The following LAMA5 variants were observed in gnomAD, a reference collection of about 807,000 sequenced individuals.
The protein encoded by LAMA5 is laminin subunit alpha-5.
LAMA5 carries 260 observed loss-of-function variants against 433.4 expected under a neutral mutation model. The observed-to-expected ratio is 0.60, with a 90% confidence interval of 0.54 to 0.66. The LOEUF (loss-of-function observed/expected upper bound fraction) is 0.66. Ranked by LOEUF, LAMA5 falls within the 30% of genes least tolerant of loss-of-function variation. LAMA5 has a pLI of 0.00. For missense variants in LAMA5, 5,378 were observed against 5,258.5 expected, an observed-to-expected ratio of 1.02 and a Z score of -0.70; for synonymous variants, 2,620 against 2,226.6, an observed-to-expected ratio of 1.18 and a Z score of -4.97.
rs1979611391 is a variant in LAMA5, at chr20:62,327,958, G to A, written c.4705C>T (p.His1569Tyr). The A allele has an allele frequency of 3.1e-6, 5 of 1,612,388 alleles. No individual in the cohort carries two copies. The South Asian group carries it at 3.3e-5, about 11-fold the overall frequency. ...CAGGGGCGGCAGCGGGGGTAGCCATGGAAGCCCGGAGAGCAGGTATCACAG... is the reference window on the plus strand; with the variant it reads ...CAGGGGCGGCAGCGGGGGTAGCCATAGAAGCCCGGAGAGCAGGTATCACAG... ...RRCDTCSPGF[H>Y]GYPRCRPCDC... is the part of the protein sequence containing the mutation. Residue 1569 changes from histidine (H) to tyrosine (Y), a missense_variant, in exon 36 of 80, where the codon CAT becomes TAT. Physicochemically the swap from His to Tyr is moderately conservative, Grantham distance 83 (BLOSUM62 2). Coordinates refer to ENST00000252999, the MANE Select transcript of LAMA5 (RefSeq NM_005560.6).
intron 2 of LAMA5, among the ~76,000 whole-genome samples, chr20:62,360,308 AG>A (rs1238774801): frequency 9.4e-5 from 1 of 10,618 alleles, no homozygotes; most frequent in African/African-American, 4.7e-4. Context: ...GGTGCTGCAT[AG>A]GTAGGGGGGT....
intron 20 of LAMA5, 99 bp downstream of exon 20, chr20:62,334,922 T>G (rs1212773347): frequency 2.5e-5 from 29 of 1,176,966 alleles, no homozygotes; most frequent in Non-Finnish European, 3.5e-5. Context: ...CCGGGCTTCA[T>G]GCTGCCCAGG....
Position 62,326,895 on chromosome 20 carries a change from G to A in LAMA5, c.5184C>T (p.Pro1728=), listed in dbSNP as rs936680253. ...GCACCACATCCGGCCTGCTCTCCATGGGGACAAAGACATCTCCCCGCTGGG... is the reference window on the plus strand; with the variant it reads ...GCACCACATCCGGCCTGCTCTCCATAGGGACAAAGACATCTCCCCGCTGGG... ...SETQRGDVFV[P]MESRPDVVLQ... Residue 1728 remains proline, a synonymous_variant, in exon 39 of 80, where the codon CCC becomes CCT. Coordinates refer to ENST00000252999, the MANE Select transcript of LAMA5 (RefSeq NM_005560.6). 1.9e-6 allele frequency: 3 copies of A among 1,612,184 alleles called. No individual in the cohort carries two copies. The highest frequency in any genetic ancestry group is 2.2e-5 in the East Asian group (1 of 44,856).
chr20:62,310,545 T>TA lies in LAMA5; in HGVS notation c.10473_10474insT (p.Lys3492Ter), dbSNP rs760484335. ...GGCCTCCCGTGCAGCCTCAGTCTCT[T>TA]CACACAGCCGCTGAACCCGACGGTC... On this transcript the variant is annotated frameshift_variant, in exon 76 of 80. Transcript: ENST00000252999. LOFTEE classifies it high-confidence loss of function. 1 of 1,550,898 alleles carries TA rather than the reference T, an allele frequency of 6.4e-7. No homozygotes were observed. Among genetic ancestry groups the TA allele is most frequent in the Non-Finnish European group, 8.7e-7 (1 of 1,153,366 alleles).
rs374817420 is a variant in LAMA5 at position 62,333,117 on chromosome 20, C to T, written c.3255G>A (p.Pro1085=). ...CPTEQLSPSH[P]PLITCTGSDV... is the part of the protein sequence containing the mutation. ...CACTGCCCGTGCAGGTGATCAGTGG[C>T]GGGTGCGACGGGCTGAGCTGCTCCG... Residue 1085 remains proline, a synonymous_variant, in exon 26 of 80, where the codon CCG becomes CCA. Coordinates refer to ENST00000252999, the MANE Select transcript of LAMA5 (RefSeq NM_005560.6). 48 of 1,469,596 alleles carry T rather than the reference C, an allele frequency of 3.3e-5. No individual in the cohort carries two copies. Among genetic ancestry groups the T allele is most frequent in the African/African-American group, 7.1e-5 (5 of 70,464 alleles). 91.0% of individuals were successfully genotyped at this position (1,469,596 alleles called of 1,614,324 possible). A position where few individuals can be genotyped will look rare whatever the true frequency, so the allele number is the denominator to read the frequency against.
At chr20:62,355,516 G>C (rs1985053594) in intron 2 of LAMA5, 2 of 152,398 alleles carry the variant, frequency 1.3e-5, no homozygotes, top group East Asian at 3.8e-4. Context: ...AGACATCCCA[G>C]GTCCAAATCC....
At chr20:62,361,578 G>A (rs1312666084) in intron 2 of LAMA5, among the ~76,000 whole-genome samples, 2 of 152,232 alleles carry the variant, frequency 1.3e-5, no homozygotes, top group African/African-American at 4.8e-5. Flanking sequence ...GTCACACACT[G>A]GGACTGGGGC....
intron 32 of LAMA5, 70 bp from the exon 33 acceptor site, chr20:62,329,323 C>G (rs1601341006): frequency 1.7e-6 from 2 of 1,206,782 alleles, no homozygotes; most frequent in African/African-American, 3.0e-5. Flanking sequence ...CAGAGGCTGG[C>G]TGGGACCAGG....
At chr20:62,360,675 T>TGGGG (rs1986027648) in intron 2 of LAMA5, among the ~76,000 whole-genome samples, 1 of 48,120 alleles carries the variant, frequency 2.1e-5, no homozygotes, top group Non-Finnish European at 3.8e-5. Context: ...GGTGGGTGGG[T>TGGGG]GGAGGGACCA....
chr20:62,333,989 G>A lies in LAMA5; in HGVS notation c.2790C>T (p.Leu930=), dbSNP rs765293167. The A allele has an allele frequency of 2.2e-5, 36 of 1,612,866 alleles. 1 individual carries two copies. The highest frequency in any genetic ancestry group is 2.2e-4 in the Admixed American group (13 of 59,986). Residue 930 remains leucine, a synonymous_variant, in exon 23 of 80, where the codon CTC becomes CTT. Transcript: ENST00000252999. ...LNLTSPDLFW[L]VFRYVNRGAM... is the part of the protein sequence containing the mutation. ...CCCCCCGGTTGACGTATCGGAAGAC[G>A]AGCCAGAAAAGGTCAGGGGAGGTCA...
Position 62,336,389 on chromosome 20 carries a change from G to C in LAMA5, c.2274C>G (p.Cys758Trp). 1 of 1,612,610 alleles carries C rather than the reference G, an allele frequency of 6.2e-7. No homozygotes were observed. The highest frequency in any genetic ancestry group is 8.5e-7 in the Non-Finnish European group (1 of 1,179,808). ...AHVEGPSCDR[C>W]KPGFWGLSPS... ...GGCTCAGTCCCCAGAACCCAGGTTTGCAGCGGTCACAGCTCGGCCCCTCCA... is the reference window on the plus strand; with the variant it reads ...GGCTCAGTCCCCAGAACCCAGGTTTCCAGCGGTCACAGCTCGGCCCCTCCA... The change falls in exon 18 of 80, where the codon TGC becomes TGG. Residue 758 changes from cysteine (C) to tryptophan (W), a missense_variant. Transcript: ENST00000252999.
intron 11 of LAMA5, among the ~76,000 whole-genome samples, chr20:62,340,122 G>A (rs1296609617): frequency 6.6e-6 from 1 of 152,026 alleles, no homozygotes; most frequent in East Asian, 1.9e-4. Context: ...CTAGGAGCAG[G>A]TAACGTGTCC....
chr20:62,319,809 G>C lies in LAMA5; in HGVS notation c.6760-14C>G, dbSNP rs1448457937. ...GGTCCCCACGGCCTGTGGAGGAAGAGCCCACTAGCCCACGCTGCTGGTAGG... is the reference window on the plus strand; with the variant it reads ...GGTCCCCACGGCCTGTGGAGGAAGACCCCACTAGCCCACGCTGCTGGTAGG... On this transcript the variant is annotated splice_polypyrimidine_tract_variant and intron_variant, in intron 50 of 79. Transcript: ENST00000252999. 4.6e-6 allele frequency: 7 copies of C among 1,532,392 alleles called. No homozygotes were observed. The East Asian group carries it at 9.8e-5, about 22-fold the overall frequency. 94.9% of individuals were successfully genotyped at this position (1,532,392 alleles called of 1,614,324 possible).
intron 51 of LAMA5, 23 bp from the exon 52 acceptor site, chr20:62,319,036 A>G (rs1310393761): frequency 6.5e-7 from 1 of 1,531,326 alleles, no homozygotes; most frequent in Non-Finnish European, 8.8e-7. Flanking sequence ...GGTTCGTCAG[A>G]GCCTGGGGCC....
In LAMA5 at chr20:62,309,336, C is replaced by T; in HGVS notation, c.11088G>A (p.Ter3696=). 2 of 1,591,828 alleles carry T rather than the reference C, an allele frequency of 1.3e-6. No individual in the cohort carries two copies. Among genetic ancestry groups the T allele is most frequent in the East Asian group, 2.2e-5 (1 of 44,708 alleles). ...ACCAGGGGCCGGGGTTGGCTGTGTC[C>T]TAGGCGGCTGGGCAGCCACTGGCCC... ...AVGASGCPAA[*] The change falls in exon 80 of 80, where the codon TAG becomes TAA. Residue 3696 remains the stop codon, a stop_retained_variant. Transcript: ENST00000252999.
intron 57 of LAMA5, 107 bp from the exon 58 acceptor site, chr20:62,316,165 G>A (rs1986908299): frequency 2.8e-6 from 2 of 721,440 alleles, no homozygotes; most frequent in African/African-American, 3.5e-5. Flanking sequence ...ACACACAGCA[G>A]ACAGATGGAC....
intron 37 of LAMA5, 35 bp downstream of exon 37, chr20:62,327,494 C>T (rs557951394): frequency 2.5e-6 from 4 of 1,611,360 alleles, no homozygotes; most frequent in Non-Finnish European, 3.4e-6. Flanking sequence ...TAAGACCTCC[C>T]CGAGAAGGCA....
In LAMA5 at chr20:62,316,659, C is replaced by T; in HGVS notation, c.7756+12G>A. 6.4e-7 allele frequency: 1 copy of T among 1,564,158 alleles called. No homozygotes were observed. The highest frequency in any genetic ancestry group is 1.4e-5 in the African/African-American group (1 of 73,898). On this transcript the variant is annotated intron_variant, in intron 57 of 79. Transcript: ENST00000252999. ...GCAGGCCTAAGGGCCCCCATCGGAG[C>T]CCAGCACTCACCAAGGCCCAGCCTC... is the stretch of plus-strand genomic sequence containing the variant.
intron 3 of LAMA5, 37 bp downstream of exon 3, chr20:62,353,097 G>A (rs754649092): frequency 3.4e-6 from 5 of 1,463,404 alleles, no homozygotes; most frequent in Non-Finnish European, 4.7e-6. Context: ...GGACCCCCCT[G>A]CCTCTCCCCC....
Sources: allele counts gnomAD v4.1 joint callset (sites outside exome capture counted in the v4.1 genomes callset), GRCh38; gene constraint gnomAD v4.1.1; transcripts MANE v1.5; gene names NCBI Gene and HGNC (gene_info 2026-07-23, HGNC 2026-07-21).